The following RALY variants were observed in gnomAD, a reference collection of about 807,000 sequenced individuals.
The protein encoded by RALY is RNA-binding protein Raly.
In RALY, 15 loss-of-function variants were observed where a neutral mutation model predicts 30.7. The ratio of observed to expected loss-of-function variants is 0.49; its 90% CI spans 0.33 to 0.75. RALY has a LOEUF of 0.75. Ranked by LOEUF, RALY falls within the 30% of genes least tolerant of loss-of-function variation. The pLI is 0.02. For synonymous variants in RALY, 177 were observed against 170.8 expected (o/e 1.04, Z -0.28); for missense variants, 339 against 414.3 (o/e 0.82, Z 1.58).
intron 2 of RALY, among the ~76,000 whole-genome samples, chr20:34,053,353 G>A (rs2033138048): frequency 7.0e-6 from 1 of 142,238 alleles, no homozygotes; most frequent in Admixed American, 7.1e-5. Flanking sequence ...AGTGCCTAGT[G>A]CAAGGCCAAC....
intron 2 of RALY, among the ~76,000 whole-genome samples, chr20:34,042,262 A>C (rs901407643): frequency 1.3e-5 from 2 of 152,180 alleles, no homozygotes; most frequent in African/African-American, 4.8e-5. Flanking sequence ...TTAAACTTCC[A>C]GGGTTCCCAG....
At position 34,082,284 on chromosome 20, in the gene RALY, GA is replaced by G. The variant is rs2034042233; in HGVS notation, c.*2380del. On this transcript the variant is annotated 3_prime_UTR_variant, in exon 10 of 10. Transcript: ENST00000246194. ...GTGTCCCCATCTGTGAAACATGGGG[GA>G]CAGCTGCTAGCCTGGATTGGAACTT... The G allele has an allele frequency of 6.6e-6, 1 of 152,218 alleles. No homozygotes were observed. Among genetic ancestry groups the G allele is most frequent in the Non-Finnish European group, 1.5e-5 (1 of 68,064 alleles). The allele number at this position is 152,218 out of a possible 1,614,324, so 9.4% of individuals were successfully genotyped here. A position where few individuals can be genotyped will look rare whatever the true frequency, so the allele number is the denominator to read the frequency against.
intron 1 of RALY, among the ~76,000 whole-genome samples, chr20:34,017,041 G>C (rs1568656914): frequency 6.6e-6 from 1 of 152,280 alleles, no homozygotes; most frequent in Non-Finnish European, 1.5e-5. Flanking sequence ...CCTCCCCTGG[G>C]GACCAGCAGG....
chr20:34,031,993 G>A (rs535486117), intron 2 of RALY, among the ~76,000 whole-genome samples: 1 of 152,176 alleles, frequency 6.6e-6, no homozygotes, highest in African/African-American at 2.4e-5. Flanking sequence ...ATGGAGTTTC[G>A]CTCTTGTTGC....
At chr20:34,074,771 C>G (rs1388371342) in intron 5 of RALY, among the ~76,000 whole-genome samples, 1 of 152,198 alleles carries the variant, frequency 6.6e-6, no homozygotes, top group Non-Finnish European at 1.5e-5. Flanking sequence ...TGATTCTGAC[C>G]AAGGCCAGAG....
intron 2 of RALY, among the ~76,000 whole-genome samples, chr20:34,067,281 A>G (rs576081378): frequency 6.6e-6 from 1 of 151,936 alleles, no homozygotes; most frequent in East Asian, 1.9e-4. Flanking sequence ...CTCCTGCCTC[A>G]GCCTCCCAAG....
intron 2 of RALY, among the ~76,000 whole-genome samples, chr20:34,060,581 G>A (rs976127233): frequency 2.0e-5 from 3 of 152,110 alleles, no homozygotes; most frequent in African/African-American, 7.2e-5. Context: ...CATCTTACAG[G>A]TAAGATAGAC....
intron 2 of RALY, among the ~76,000 whole-genome samples, chr20:34,051,476 A>G (rs1016063507): frequency 2.0e-5 from 3 of 152,228 alleles, no homozygotes; most frequent in Non-Finnish European, 4.4e-5. Context: ...ATTTAATGAT[A>G]TAATTAATGG....
chr20:34,035,047 G>T (rs987711049), intron 2 of RALY, among the ~76,000 whole-genome samples: 1 of 150,890 alleles, frequency 6.6e-6, no homozygotes, highest in Non-Finnish European at 1.5e-5. Context: ...CAGCTACTTG[G>T]GAGGCTGAGG....
At chr20:34,010,874 A>C (rs1210406141) in intron 1 of RALY, among the ~76,000 whole-genome samples, 2 of 152,156 alleles carry the variant, frequency 1.3e-5, no homozygotes, top group African/African-American at 4.8e-5. Context: ...TCAGCTTAGT[A>C]TCTCTCTGTG....
intron 1 of RALY, among the ~76,000 whole-genome samples, chr20:33,997,741 G>A (rs923817014): frequency 9.2e-5 from 14 of 152,124 alleles, no homozygotes; most frequent in East Asian, 1.9e-4. Context: ...CCCTTTGACC[G>A]TTTTCTGTGT....
At chr20:34,061,095 C>CT (rs2033403013) in intron 2 of RALY, among the ~76,000 whole-genome samples, 1 of 152,150 alleles carries the variant, frequency 6.6e-6, no homozygotes, top group South Asian at 2.1e-4. Context: ...ACCTTCCTGG[C>CT]TGGTTTCCTG....
chr20:34,041,803 A>G (rs1001985817), intron 2 of RALY, among the ~76,000 whole-genome samples: 3 of 152,088 alleles, frequency 2.0e-5, no homozygotes, highest in African/African-American at 7.2e-5. Flanking sequence ...AAAACATGTA[A>G]CATCCAGAAC....
chr20:34,078,332 A>G (rs1454965213), intron 8 of RALY, among the ~76,000 whole-genome samples, 173 bp from the exon 9 acceptor site: 1 of 152,180 alleles, frequency 6.6e-6, no homozygotes, highest in African/African-American at 2.4e-5. Flanking sequence ...CAAGTTCCCA[A>G]GCCAGCTTTG....
chr20:34,028,705 CAAAAAAAAAAAAA>C lies in RALY; in HGVS notation c.-92-2800_-92-2788del, dbSNP rs71338492. ...GGTGACAGAGCGAGAGACTCCATCT[CAAAAAAAAAAAAA>C]AAAAAAAAAAAAAAAACATGGCAGA... On this transcript the variant is annotated intron_variant, in intron 1 of 9. Transcript: ENST00000246194. Among the ~76,000 whole-genome samples the C allele has an allele frequency of 5.9e-4, 12 of 20,446 alleles. No individual in the cohort carries two copies. The East Asian group carries it at 0.012, about 20-fold the overall frequency. The allele number at this position is 20,446 out of a possible 152,430, so 13.4% of individuals were successfully genotyped here. A position where few individuals can be genotyped will look rare whatever the true frequency, so the allele number is the denominator to read the frequency against.
At chr20:34,048,686 C>G (rs1455164689) in intron 2 of RALY, among the ~76,000 whole-genome samples, 4 of 151,976 alleles carry the variant, frequency 2.6e-5, no homozygotes, top group African/African-American at 9.7e-5. Flanking sequence ...GAAACTCCAT[C>G]TCCACTAAAA....
At chr20:34,015,845 G>GCACA (rs148065141) in intron 1 of RALY, among the ~76,000 whole-genome samples, 10 of 149,086 alleles carry the variant, frequency 6.7e-5, no homozygotes, top group Non-Finnish European at 7.5e-5. Flanking sequence ...TGCAACATGT[G>GCACA]CACACACACA....
At chr20:34,035,152 CAAAAAAAAAAAAAAAAAA>C (rs61301033) in intron 2 of RALY, among the ~76,000 whole-genome samples, 1,267 of 32,574 alleles carry the variant, frequency 0.039, 40 homozygotes, top group African/African-American at 0.069. Flanking sequence ...GACTCCATCT[CAAAAAAAAAAAAAAAAAA>C]AAAAAAAAAA....
At chr20:34,048,291 C>G (rs2123161236) in intron 2 of RALY, among the ~76,000 whole-genome samples, 1 of 152,246 alleles carries the variant, frequency 6.6e-6, no homozygotes, top group South Asian at 2.1e-4. Flanking sequence ...ACAGCAGAGT[C>G]GTGTGTCTCT....
Sources: allele counts gnomAD v4.1 joint callset (sites outside exome capture counted in the v4.1 genomes callset), GRCh38; gene constraint gnomAD v4.1.1; transcripts MANE v1.5; gene names NCBI Gene and HGNC (gene_info 2026-07-23, HGNC 2026-07-21).